NAP1L4: variants seen among roughly 807,000 people sequenced by gnomAD.
NAP1L4 encodes nucleosome assembly protein 1-like 4.
Under a neutral mutation model 58.2 loss-of-function variants are expected in NAP1L4, and 15 were observed. The observed-to-expected ratio is 0.26, with a 90% CI of 0.17 to 0.40. The LOEUF is 0.40. NAP1L4 is among the 10% of genes least tolerant of loss of function. NAP1L4 has a pLI of 1.00. For synonymous variants in NAP1L4, 171 were observed against 155.6 expected (o/e 1.10, Z -0.74); for missense variants, 384 against 451.1 (o/e 0.85, Z 1.35).
At chr11:2,962,530 T>G (rs1846987795) in intron 8 of NAP1L4, among the ~76,000 whole-genome samples, 1 of 152,222 alleles carries the variant, frequency 6.6e-6, no homozygotes, top group Non-Finnish European at 1.5e-5. Flanking sequence ...AGACGCTTCA[T>G]AATAATTTTA....
chr11:2,979,296 TACTTTTTAAACA>T, intron 1 of NAP1L4, 59 bp from the exon 2 acceptor site: 2 of 1,432,928 alleles, frequency 1.4e-6, no homozygotes, highest in Non-Finnish European at 1.9e-6. Context: ...TTGTTCAATA[TACTTTTTAAACA>T]ACGGTTATCT....
chr11:2,990,153 C>T (rs1848873984), intron 1 of NAP1L4: 1 of 137,720 alleles, frequency 7.3e-6, no homozygotes, highest in Non-Finnish European at 1.6e-5. Flanking sequence ...GACATATAGG[C>T]ACAAATAACT....
intron 10 of NAP1L4, among the ~76,000 whole-genome samples, chr11:2,957,486 G>T (rs975771759): frequency 5.9e-5 from 9 of 152,194 alleles, no homozygotes; most frequent in South Asian, 2.1e-4. Context: ...TCCGCCCTGT[G>T]GCCCCACATA....
chr11:2,986,384 A>G (rs910909740), intron 1 of NAP1L4, among the ~76,000 whole-genome samples: 1 of 73,314 alleles, frequency 1.4e-5, no homozygotes, highest in Non-Finnish European at 3.1e-5. Flanking sequence ...AAAAAAAAAA[A>G]AAAGAAAAAG....
At chr11:2,966,447 C>A (rs1847284357) in intron 7 of NAP1L4, among the ~76,000 whole-genome samples, 2 of 152,194 alleles carry the variant, frequency 1.3e-5, no homozygotes, top group Non-Finnish European at 2.9e-5. Context: ...TCCCCTCTCT[C>A]TCCCTCTTAG....
chr11:2,982,636 A>G (rs948594976), intron 1 of NAP1L4, among the ~76,000 whole-genome samples: 20 of 152,194 alleles, frequency 1.3e-4, no homozygotes, highest in African/African-American at 4.8e-4. Context: ...CTAGTAAAAC[A>G]TGCATTCGTG....
chr11:2,960,348 G>A (rs1448482361), intron 8 of NAP1L4, among the ~76,000 whole-genome samples: 1 of 152,320 alleles, frequency 6.6e-6, no homozygotes, highest in East Asian at 1.9e-4. Flanking sequence ...ACTCTGTGCT[G>A]TGCAGTGAAA....
chr11:2,991,338 C>T, intron 1 of NAP1L4: 1 of 307,878 alleles, frequency 3.2e-6, no homozygotes, highest in South Asian at 2.6e-5. Flanking sequence ...AAATTGAAAA[C>T]AACAAAGACT....
intron 2 of NAP1L4, 50 bp from the exon 3 acceptor site, chr11:2,978,392 G>T (rs1848096850): frequency 6.5e-7 from 1 of 1,528,786 alleles, no homozygotes; most frequent in Non-Finnish European, 9.0e-7. Context: ...AAGTTCCAAA[G>T]ACATAGCACA....
At chr11:2,983,062 C>T (rs1300139356) in intron 1 of NAP1L4, among the ~76,000 whole-genome samples, 1 of 152,044 alleles carries the variant, frequency 6.6e-6, no homozygotes, top group Admixed American at 6.6e-5. Flanking sequence ...GCTATTGGAA[C>T]AAGTGACAAG....
intron 4 of NAP1L4, among the ~76,000 whole-genome samples, 168 bp downstream of exon 4, chr11:2,975,856 G>A (rs74451943): frequency 0.015 from 2,321 of 152,240 alleles, 51 homozygotes; most frequent in African/African-American, 0.053. Context: ...CTCAGCCTAG[G>A]CACCGGGTAG....
rs575900452 is a variant in NAP1L4, at chr11:2,981,246, G to GAA, written c.-17-2011_-17-2010dup. Among the ~76,000 whole-genome samples, 511 of 136,358 alleles carry GAA rather than the reference G, an allele frequency of 3.7e-3. 5 individuals are homozygous for GAA. The highest frequency in any genetic ancestry group is 0.012 in the African/African-American group (430 of 37,016). 89.5% of individuals were successfully genotyped at this position (136,358 alleles called of 152,430 possible). On this transcript the variant is annotated intron_variant, in intron 1 of 15. Coordinates refer to ENST00000380542, the MANE Select transcript of NAP1L4 (RefSeq NM_005969.4). ...CAGTCAGACTGTCTCAAAACAAAAAGAAAAAAAAAAAAATGAGGCTGGACA... is the reference window on the plus strand; with the variant it reads ...CAGTCAGACTGTCTCAAAACAAAAAGAAAAAAAAAAAAAAATGAGGCTGGACA...
chr11:2,948,119 G>A lies in NAP1L4; in HGVS notation c.*32+1108C>T, dbSNP rs1846035855. ...AAGAGTGGCTAAGTTCTTCAGACAT[G>A]CGGGGACAACAGGAATTAATGGCAG... On this transcript the variant is annotated intron_variant, in intron 15 of 15. Coordinates refer to ENST00000380542, the MANE Select transcript of NAP1L4 (RefSeq NM_005969.4). The surrounding 1 kb of genome is among the most constrained non-coding windows in gnomAD (Gnocchi z 5.1). Among the ~76,000 whole-genome samples the A allele has an allele frequency of 6.6e-6, 1 of 152,198 alleles. No homozygotes were observed.
At chr11:2,987,792 A>G (rs1564993959) in intron 1 of NAP1L4, among the ~76,000 whole-genome samples, 1 of 150,270 alleles carries the variant, frequency 6.7e-6, no homozygotes, top group Admixed American at 6.6e-5. Context: ...TGAATAATAC[A>G]TGTTTGCCCA....
chr11:2,973,938 TTTTGC>T (rs1256029564), intron 4 of NAP1L4, among the ~76,000 whole-genome samples: 3 of 152,066 alleles, frequency 2.0e-5, no homozygotes, highest in Non-Finnish European at 4.4e-5. Context: ...CAGCTAATTT[TTTTGC>T]ATCCTGTAGA....
chr11:2,970,856 C>G (rs1010427180), intron 6 of NAP1L4, among the ~76,000 whole-genome samples: 2 of 124,528 alleles, frequency 1.6e-5, no homozygotes, highest in African/African-American at 6.3e-5. Flanking sequence ...CCACCCCCCC[C>G]CCAAAAAAAA....
chr11:2,953,999 T>G (rs1476137776), intron 12 of NAP1L4, among the ~76,000 whole-genome samples: 1 of 152,250 alleles, frequency 6.6e-6, no homozygotes, highest in Admixed American at 6.5e-5. Flanking sequence ...AAGTTCTGAC[T>G]GTGGAAGAGC....
chr11:2,961,210 G>GA, intron 8 of NAP1L4, among the ~76,000 whole-genome samples: 1 of 152,254 alleles, frequency 6.6e-6, no homozygotes, highest in South Asian at 2.1e-4. Flanking sequence ...AAGGAGAAGT[G>GA]AAAAAACAAC....
chr11:2,971,992 G>T lies in NAP1L4; in HGVS notation c.315+110C>A. The T allele has an allele frequency of 1.7e-6, 2 of 1,155,634 alleles. No individual in the cohort carries two copies. The highest frequency in any genetic ancestry group is 2.4e-6 in the Non-Finnish European group (2 of 848,016). 71.6% of individuals were successfully genotyped at this position (1,155,634 alleles called of 1,614,324 possible). A position where few individuals can be genotyped will look rare whatever the true frequency, so the allele number is the denominator to read the frequency against. On this transcript the variant is annotated intron_variant, in intron 5 of 15. Coordinates refer to ENST00000380542, the MANE Select transcript of NAP1L4 (RefSeq NM_005969.4). This position sits in a 1 kb window ranked among gnomAD's most constrained non-coding sequence, Gnocchi z 4.2. ...GTCTAGACTAAGCTATGTTTGGCAG[G>T]TTAGATGCGTTCTTACCCTAGATGT...
Sources: gnomAD v4.1 joint callset for allele counts (sites outside exome capture counted in the v4.1 genomes callset) on GRCh38, gnomAD v4.1.1 for gene constraint, Gnocchi (gnomAD v3.1) non-coding constraint, MANE v1.5 for transcripts, NCBI Gene and HGNC (gene_info 2026-07-23, HGNC 2026-07-21) for gene names.